Variants in HECTD4 observed in about 807,000 individuals in gnomAD.
The protein encoded by HECTD4 is HECT domain E3 ubiquitin protein ligase 4.
In HECTD4, 114 loss-of-function variants were observed where a neutral mutation model predicts 471.5. The observed-to-expected ratio is 0.24, with a 90% CI of 0.21 to 0.28. The LOEUF (loss-of-function observed/expected upper bound fraction) is 0.28, where lower values mean the gene tolerates loss of function less well. HECTD4 is among the 10% of genes least tolerant of loss of function. HECTD4 has a pLI of 1.00. For synonymous variants in HECTD4, 2,012 were observed against 2,256.0 expected, an observed-to-expected ratio of 0.89 and a Z score of 3.07; for missense variants, 3,866 against 5,651.5, an observed-to-expected ratio of 0.68 and a Z score of 10.13.
chr12:112,250,591 C>T (rs1175038160), intron 24 of HECTD4, among the ~76,000 whole-genome samples: 2 of 152,180 alleles, frequency 1.3e-5, no homozygotes, highest in Non-Finnish European at 2.9e-5. Context: ...ATCATTAAAA[C>T]TTTTAAATGT....
chr12:112,200,680 T>C lies in HECTD4; in HGVS notation c.8525A>G (p.Asn2842Ser). 6.2e-7 allele frequency: 1 copy of C among 1,613,954 alleles called. No homozygotes were observed. Among genetic ancestry groups the C allele is most frequent in the Non-Finnish European group, 8.5e-7 (1 of 1,179,864 alleles). ...GGTATTGTCCAGTGTGACCAGCCCA[T>C]TGGTGGCAGTCCTTCGGTAGCCTGC... is the stretch of plus-strand genomic sequence containing the variant. The part of the protein sequence containing the change: ...PPAGYRRTAT[N>S]GLVTLDNTNL... The change falls in exon 55 of 76, where the codon AAT (asparagine) becomes AGT (serine). Residue 2842 changes from asparagine to serine, a missense_variant. Coordinates refer to ENST00000682272, the MANE Select transcript of HECTD4 (RefSeq NM_001388303.1).
At chr12:112,305,044 A>G (rs1356143592) in intron 7 of HECTD4, among the ~76,000 whole-genome samples, 4 of 152,280 alleles carry the variant, frequency 2.6e-5, no homozygotes, top group Admixed American at 2.0e-4. Context: ...TTGTTCTTTT[A>G]TAAGTCTCTA....
chr12:112,211,588 C>T (rs1330079846), intron 49 of HECTD4, among the ~76,000 whole-genome samples: 1 of 150,668 alleles, frequency 6.6e-6, no homozygotes, highest in Non-Finnish European at 1.5e-5. Context: ...GGAGAGGAGT[C>T]AGAACACTGT....
intron 1 of HECTD4, among the ~76,000 whole-genome samples, chr12:112,347,423 C>T (rs562387962): frequency 7.0e-4 from 106 of 152,208 alleles, no homozygotes; most frequent in Non-Finnish European, 1.4e-3. Flanking sequence ...GCATAAGAAT[C>T]GCTTGCAACC....
rs760646474 is a variant in HECTD4, at chr12:112,217,183, T to A, written c.7087A>T (p.Thr2363Ser). Reference sequence around the variant, plus strand: ...GGAAACACTCGCGAGGGGCTCCAAGTAATCTCTTTGGGCTGCATCAGGGAG... The same window carrying A: ...GGAAACACTCGCGAGGGGCTCCAAGAAATCTCTTTGGGCTGCATCAGGGAG... ...QADRRQPKEI[T>S]WSPSRVFPPV... The change falls in exon 46 of 76, where the codon ACT becomes TCT. Residue 2363 changes from threonine (T) to serine (S), a missense_variant. Coordinates refer to ENST00000682272, the MANE Select transcript of HECTD4 (RefSeq NM_001388303.1). The A allele has an allele frequency of 1.9e-5, 29 of 1,519,128 alleles. No homozygotes were observed. Among genetic ancestry groups the A allele is most frequent in the Non-Finnish European group, 2.5e-5 (28 of 1,133,472 alleles). The allele number at this position is 1,519,128 out of a possible 1,614,324, so 94.1% of individuals were successfully genotyped here. A position where few individuals can be genotyped will look rare whatever the true frequency, so the allele number is the denominator to read the frequency against.
rs556123241 is a variant in HECTD4, at chr12:112,211,041, T to C, written c.7630-789A>G. Among the ~76,000 whole-genome samples the C allele has an allele frequency of 2.0e-4, 31 of 152,274 alleles. No homozygotes were observed. The South Asian group carries it at 6.0e-3, about 30-fold the overall frequency. Reference sequence around the variant, plus strand: ...CAGGGCCAGATCCTATAGGACCTTATAGGTTATTTTTTTAAAAGACGGAGT... The same window carrying C: ...CAGGGCCAGATCCTATAGGACCTTACAGGTTATTTTTTTAAAAGACGGAGT... On this transcript the variant is annotated intron_variant, in intron 49 of 75. Transcript: ENST00000682272.
At position 112,212,558 on chromosome 12, in the gene HECTD4, C is replaced by T; in HGVS notation, c.7558G>A (p.Gly2520Arg). 6.2e-7 allele frequency: 1 copy of T among 1,613,866 alleles called. No individual in the cohort carries two copies. Among genetic ancestry groups the T allele is most frequent in the Non-Finnish European group, 8.5e-7 (1 of 1,179,806 alleles). Reference protein sequence around the residue: ...AKGRVYFTYCGQRLSPYLEDV... With the variant: ...AKGRVYFTYCRQRLSPYLEDV... The stretch of plus-strand genomic sequence containing the variant: ...TCAAGATATGGTGAGAGGCGCTGCC[C>T]GCAGTATGTGAAGTACACCCGGCCC... Residue 2520 changes from glycine (G) to arginine (R), a missense_variant, in exon 49 of 76, where the codon GGG (glycine) becomes AGG (arginine). Transcript: ENST00000682272.
At chr12:112,361,176 T>G (rs1255294015) in intron 1 of HECTD4, among the ~76,000 whole-genome samples, 50 of 152,172 alleles carry the variant, frequency 3.3e-4, no homozygotes, top group Admixed American at 3.3e-3. Flanking sequence ...ATAACAGGTA[T>G]TTTAACCACA....
chr12:112,175,912 C>T (rs558341396), intron 65 of HECTD4, 53 bp from the exon 66 acceptor site: 24 of 1,599,660 alleles, frequency 1.5e-5, no homozygotes, highest in East Asian at 6.8e-5. Flanking sequence ...GCACATCGCG[C>T]GCCTCCAACG....
At chr12:112,306,450 C>T (rs1008588587) in intron 6 of HECTD4, among the ~76,000 whole-genome samples, 2 of 152,146 alleles carry the variant, frequency 1.3e-5, no homozygotes, top group African/African-American at 4.8e-5. Flanking sequence ...TATGAACAGC[C>T]ATGCAACAGA....
At position 112,349,534 on chromosome 12, in the gene HECTD4, A is replaced by G. The variant is rs562278002; in HGVS notation, c.178-29792T>C. ...AAGTTACTTTCCAGTGAAGAGTCTA[A>G]TTGGCAAAGATAAGGCATGCTCCTG... On this transcript the variant is annotated intron_variant, in intron 1 of 75. Transcript: ENST00000682272. 2.0e-5 allele frequency among the ~76,000 whole-genome samples: 3 copies of G among 152,280 alleles called. No homozygotes were observed. In the South Asian group the frequency reaches 6.2e-4, roughly 32 times the overall value.
In HECTD4 at chr12:112,173,616, A is replaced by G. The variant is rs1430500787; in HGVS notation, c.11595-755T>C. Among the ~76,000 whole-genome samples, 5 of 151,622 alleles carry G rather than the reference A, an allele frequency of 3.3e-5. No individual in the cohort carries two copies. The highest frequency in any genetic ancestry group is 3.3e-4 in the Admixed American group (5 of 15,202). The stretch of plus-strand genomic sequence containing the variant: ...TCACCGTGTTAGCCAGGATGGTCTC[A>G]ATCTCCTGACCTTGTGATCCGCCCG... On this transcript the variant is annotated intron_variant, in intron 66 of 75. Coordinates refer to ENST00000682272, the MANE Select transcript of HECTD4 (RefSeq NM_001388303.1). This position sits in a 1 kb window ranked among gnomAD's most constrained non-coding sequence, Gnocchi z 4.3.
Position 112,188,232 on chromosome 12 carries a change from T to G in HECTD4, c.9472+2554A>C. Among the ~76,000 whole-genome samples the G allele has an allele frequency of 6.6e-6, 1 of 152,264 alleles. No homozygotes were observed. Among genetic ancestry groups the G allele is most frequent in the South Asian group, 2.1e-4 (1 of 4,824 alleles). On this transcript the variant is annotated intron_variant, in intron 60 of 75. Transcript: ENST00000682272. This position sits in a 1 kb window ranked among gnomAD's most constrained non-coding sequence, Gnocchi z 4.2. ...TGAACCCAGGAGGTGGAAGTTGCAG[T>G]GAGCTGAGATCGCACCACTGCGCTC...
chr12:112,355,231 T>A (rs1380132716), intron 1 of HECTD4, among the ~76,000 whole-genome samples: 1 of 146,624 alleles, frequency 6.8e-6, no homozygotes, highest in Non-Finnish European at 1.5e-5. Flanking sequence ...CGCCTTGGCC[T>A]CTCAGAGTGC....
At position 112,258,520 on chromosome 12, in the gene HECTD4, T is replaced by G; in HGVS notation, c.3104A>C (p.Lys1035Thr). Residue 1035 changes from lysine to threonine, a missense_variant, in exon 20 of 76, where the codon AAG (lysine) becomes ACG (threonine). Physicochemically the swap from Lys to Thr is moderately conservative, Grantham distance 78. Around this residue, in one of 16 missense-constraint regions of HECTD4, gnomAD observed 525 missense variants for 672.6 expected, o/e 0.78. Coordinates refer to ENST00000682272, the MANE Select transcript of HECTD4 (RefSeq NM_001388303.1). ...CCTCTCATCAGGGAACAGCCTGCAC[T>G]TCTGGTCTGGTGCACCACACGGGGA... ...GCSPCGAPDQ[K>T]CRLFPDERML... 2.5e-6 allele frequency: 4 copies of G among 1,601,378 alleles called. No individual in the cohort carries two copies. Among genetic ancestry groups the G allele is most frequent in the Non-Finnish European group, 3.4e-6 (4 of 1,175,128 alleles).
At chr12:112,241,838 T>C (rs888342091) in intron 32 of HECTD4, among the ~76,000 whole-genome samples, 1 of 152,200 alleles carries the variant, frequency 6.6e-6, no homozygotes, top group African/African-American at 2.4e-5. Flanking sequence ...TCCCAGCTAC[T>C]TGGAAGGCTG....
chr12:112,355,550 G>A (rs984024087), intron 1 of HECTD4, among the ~76,000 whole-genome samples: 5 of 151,854 alleles, frequency 3.3e-5, no homozygotes, highest in African/African-American at 9.7e-5. Flanking sequence ...ACCTGAGGTC[G>A]GGAGTTCGAG....
At position 112,382,154 on chromosome 12, in the gene HECTD4, A is replaced by C; in HGVS notation, c.-26T>G. On this transcript the variant is annotated 5_prime_UTR_variant, in exon 1 of 76. Transcript: ENST00000682272. ...GGCCCCGGCTGAAGGCTTGGCGCTGAGGAGCAGACGCCCGGCCGGGGGAAA... is the reference window on the plus strand; with the variant it reads ...GGCCCCGGCTGAAGGCTTGGCGCTGCGGAGCAGACGCCCGGCCGGGGGAAA... 8.2e-7 allele frequency: 1 copy of C among 1,215,214 alleles called. No homozygotes were observed. The allele number at this position is 1,215,214 out of a possible 1,614,324, so 75.3% of individuals were successfully genotyped here. A position where few individuals can be genotyped will look rare whatever the true frequency, so the allele number is the denominator to read the frequency against.
At chr12:112,198,678 G>T (rs2135529570) in intron 55 of HECTD4, among the ~76,000 whole-genome samples, 1 of 152,302 alleles carries the variant, frequency 6.6e-6, no homozygotes, top group Non-Finnish European at 1.5e-5. Flanking sequence ...AGGCAGAGGA[G>T]ATTTCAGGGA....
Sources: gnomAD v4.1 joint callset for allele counts (sites outside exome capture counted in the v4.1 genomes callset) on GRCh38, gnomAD v4.1.1 for gene constraint, gnomAD v4.1.1 regional missense constraint, Gnocchi (gnomAD v3.1) non-coding constraint, MANE v1.5 for transcripts, NCBI Gene and HGNC (gene_info 2026-07-23, HGNC 2026-07-21) for gene names.